UBP1: variants seen among roughly 807,000 people sequenced by gnomAD.
UBP1 encodes upstream-binding protein 1.
A neutral mutation model predicts 76.1 loss-of-function variants in UBP1; 22 were observed. That is an observed-to-expected ratio of 0.29 (90% confidence interval 0.21 to 0.41). UBP1 has a LOEUF of 0.41. Among genes scored for constraint, UBP1 ranks in the 10% least tolerant of loss-of-function variants. UBP1 has a pLI of 1.00. For synonymous variants in UBP1, 224 were observed against 237.1 expected, an observed-to-expected ratio of 0.94 and a Z score of 0.51; for missense variants, 436 against 668.1, an observed-to-expected ratio of 0.65 and a Z score of 3.83.
chr3:33,396,828 T>C (rs1411330657), intron 12 of UBP1: 1 of 675,724 alleles, frequency 1.5e-6, no homozygotes, highest in Non-Finnish European at 2.7e-6. Context: ...TCTACCAGTC[T>C]TACAGTCTAC....
At chr3:33,412,637 G>T in intron 4 of UBP1, 85 bp downstream of exon 4, 4 of 854,454 alleles carry the variant, frequency 4.7e-6, no homozygotes, top group Non-Finnish European at 7.7e-6. Flanking sequence ...CCCCACACAA[G>T]TAATTCATGA....
intron 7 of UBP1, 110 bp from the exon 8 acceptor site, chr3:33,408,907 G>C (rs2044500281): frequency 2.9e-6 from 3 of 1,047,950 alleles, no homozygotes; most frequent in Non-Finnish European, 4.2e-6. Flanking sequence ...TGACTAACAG[G>C]ATTCAAAGTT....
In UBP1 at chr3:33,393,406, C is replaced by T. The variant is rs986939787; in HGVS notation, c.1439G>A (p.Arg480Gln). 16 of 1,612,408 alleles carry T rather than the reference C, an allele frequency of 9.9e-6. No homozygotes were observed. Among genetic ancestry groups the T allele is most frequent in the Non-Finnish European group, 1.1e-5 (13 of 1,179,448 alleles). ...LEEMIASEVA[R>Q]KLALVFNIPL... Reference sequence around the variant, plus strand: ...GATATTAAACACCAGCGCAAGTTTTCGAGCAACTTCTGAGGCAATCATTTC... The same window carrying T: ...GATATTAAACACCAGCGCAAGTTTTTGAGCAACTTCTGAGGCAATCATTTC... The change falls in exon 14 of 16, where the codon CGA (arginine) becomes CAA (glutamine). Residue 480 changes from arginine to glutamine, a missense_variant. Physicochemically the swap from Arg to Gln is conservative, Grantham distance 43. Transcript: ENST00000283629.
At chr3:33,403,011 C>A in intron 8 of UBP1, 107 bp from the exon 9 acceptor site, 1 of 1,010,662 alleles carries the variant, frequency 9.9e-7, no homozygotes, top group South Asian at 1.5e-5. Flanking sequence ...AAATGCGAGA[C>A]AGCTGACATT....
At chr3:33,398,408 AG>A (rs1463587542) in intron 11 of UBP1, 1 of 152,262 alleles carries the variant, frequency 6.6e-6, no homozygotes, top group Non-Finnish European at 1.5e-5. Flanking sequence ...TCTCTCTACT[AG>A]GGCTTACTAC....
intron 3 of UBP1, among the ~76,000 whole-genome samples, chr3:33,413,530 G>C (rs2154057711): frequency 7.4e-6 from 1 of 135,850 alleles, no homozygotes; most frequent in South Asian, 2.4e-4. Flanking sequence ...CTAGGTGACA[G>C]AGCGAGACTC....
intron 13 of UBP1, among the ~76,000 whole-genome samples, chr3:33,394,001 TA>T (rs1199409621): frequency 6.6e-6 from 1 of 151,854 alleles, no homozygotes; most frequent in Non-Finnish European, 1.5e-5. Flanking sequence ...AAAAGAACCC[TA>T]AAAGAGTCAT....
At chr3:33,395,855 AAAAAAAAAGCCAG>A (rs1240432218) in intron 13 of UBP1, among the ~76,000 whole-genome samples, 1 of 151,894 alleles carries the variant, frequency 6.6e-6, no homozygotes, top group Admixed American at 6.6e-5. Flanking sequence ...TGACCAAAAA[AAAAAAAAAGCCAG>A]AACTCAATGC....
At chr3:33,431,117 C>CA (rs1410777573) in intron 1 of UBP1, among the ~76,000 whole-genome samples, 1 of 152,026 alleles carries the variant, frequency 6.6e-6, no homozygotes, top group Non-Finnish European at 1.5e-5. Flanking sequence ...ATTAAGAACT[C>CA]AGGTTTAATA....
At chr3:33,406,089 T>C (rs891516148) in intron 8 of UBP1, among the ~76,000 whole-genome samples, 1 of 152,198 alleles carries the variant, frequency 6.6e-6, no homozygotes, top group African/African-American at 2.4e-5. Flanking sequence ...AATTACATTT[T>C]ACACAACAAT....
At chr3:33,431,937 A>G (rs1404771416) in intron 1 of UBP1, among the ~76,000 whole-genome samples, 1 of 152,208 alleles carries the variant, frequency 6.6e-6, no homozygotes, top group East Asian at 1.9e-4. Context: ...CATACTTGAC[A>G]GCCAAGGTCA....
At chr3:33,408,178 T>C (rs996404197) in intron 8 of UBP1, among the ~76,000 whole-genome samples, 2 of 152,180 alleles carry the variant, frequency 1.3e-5, no homozygotes, top group Non-Finnish European at 2.9e-5. Context: ...GACACACATT[T>C]TTATACTACA....
intron 2 of UBP1, among the ~76,000 whole-genome samples, chr3:33,418,286 T>G (rs908254295): frequency 6.6e-6 from 1 of 152,040 alleles, no homozygotes. Context: ...GGGAGCTTCG[T>G]TCTGTCGCCC....
chr3:33,430,129 T>G (rs1220614045), intron 1 of UBP1, among the ~76,000 whole-genome samples: 1 of 152,170 alleles, frequency 6.6e-6, no homozygotes, highest in African/African-American at 2.4e-5. Context: ...CATATATTCT[T>G]GAAAGTATTA....
At chr3:33,395,590 A>G (rs1019397249) in intron 13 of UBP1, among the ~76,000 whole-genome samples, 1 of 152,020 alleles carries the variant, frequency 6.6e-6, no homozygotes, top group Admixed American at 6.6e-5. Context: ...TATTATTTAC[A>G]GTGACATAAA....
rs1303543394 is a variant in UBP1, at chr3:33,440,078, C to T, written c.-230G>A. On this transcript the variant is annotated 5_prime_UTR_variant, in exon 1 of 16. Transcript: ENST00000283629. Reference sequence around the variant, plus strand: ...GCCGGGCCGCCGGCAGCGCCACCCTCCCGCGGACACCGGCCCTGCGCCTCA... The same window carrying T: ...GCCGGGCCGCCGGCAGCGCCACCCTTCCGCGGACACCGGCCCTGCGCCTCA... 2 of 452,832 alleles carry T rather than the reference C, an allele frequency of 4.4e-6. No individual in the cohort carries two copies. Among genetic ancestry groups the T allele is most frequent in the South Asian group, 4.2e-5 (1 of 23,692 alleles). The allele number at this position is 452,832 out of a possible 1,614,324, so 28.1% of individuals were successfully genotyped here. A position where few individuals can be genotyped will look rare whatever the true frequency, so the allele number is the denominator to read the frequency against.
chr3:33,396,310 T>TG lies in UBP1; in HGVS notation c.1272-31dup, dbSNP rs2043993512. On this transcript the variant is annotated intron_variant, in intron 12 of 15. Transcript: ENST00000283629. ...AATCAGAAGATGCCACTGATGAGCC[T>TG]GGGAGAGAAAGCTGCCTTACACATG... is the stretch of plus-strand genomic sequence containing the variant. The TG allele has an allele frequency of 2.6e-6, 4 of 1,529,326 alleles. No individual in the cohort carries two copies. The East Asian group carries it at 9.2e-5, about 35-fold the overall frequency. The allele number at this position is 1,529,326 out of a possible 1,614,324, so 94.7% of individuals were successfully genotyped here. A position where few individuals can be genotyped will look rare whatever the true frequency, so the allele number is the denominator to read the frequency against.
intron 11 of UBP1, 68 bp from the exon 12 acceptor site, chr3:33,397,203 G>T: frequency 8.3e-7 from 1 of 1,209,088 alleles, no homozygotes; most frequent in African/African-American, 1.5e-5. Context: ...ACAGGCATCT[G>T]TCTTCATGCA....
chr3:33,416,811 G>T lies in UBP1; in HGVS notation c.289C>A (p.Leu97Met). The change falls in exon 3 of 16, where the codon CTG (leucine) becomes ATG (methionine). Residue 97 changes from leucine (L) to methionine (M), a missense_variant. Coordinates refer to ENST00000283629, the MANE Select transcript of UBP1 (RefSeq NM_014517.5). Reference sequence around the variant, plus strand: ...ATATCACCCATTTTCCGATTATCCAGCATCCGAATTTCATATGACTGACCT... The same window carrying T: ...ATATCACCCATTTTCCGATTATCCATCATCCGAATTTCATATGACTGACCT... The part of the protein sequence containing the change: ...NQGQSYEIRM[L>M]DNRKMGDMPE... The T allele has an allele frequency of 6.2e-7, 1 of 1,613,426 alleles. No homozygotes were observed. The highest frequency in any genetic ancestry group is 8.5e-7 in the Non-Finnish European group (1 of 1,179,646).
Sources: gnomAD v4.1 joint callset for allele counts (sites outside exome capture counted in the v4.1 genomes callset) on GRCh38, gnomAD v4.1.1 for gene constraint, MANE v1.5 for transcripts, NCBI Gene and HGNC (gene_info 2026-07-23, HGNC 2026-07-21) for gene names.